Variants in TRIOBP observed in about 807,000 individuals in gnomAD.
The protein encoded by TRIOBP is TRIO and F-actin binding protein.
A neutral mutation model predicts 238.8 loss-of-function variants in TRIOBP; 169 were observed. The observed-to-expected ratio is 0.71, with a 90% CI of 0.62 to 0.80. The LOEUF (loss-of-function observed/expected upper bound fraction) is 0.80, where lower values mean the gene tolerates loss of function less well. Among genes scored for constraint, TRIOBP ranks in the 30% least tolerant of loss-of-function variants. The pLI is 0.00. For synonymous variants in TRIOBP, 1,150 were observed against 1,274.4 expected (o/e 0.90, Z 2.08); for missense variants, 2,838 against 3,122.6 (o/e 0.91, Z 2.17).
chr22:37,759,658 C>G, intron 17 of TRIOBP: 2 of 1,527,492 alleles, frequency 1.3e-6, no homozygotes, highest in Non-Finnish European at 1.8e-6. Context: ...GAAATCCTGC[C>G]GAGGCCCACT....
intron 3 of TRIOBP, among the ~76,000 whole-genome samples, chr22:37,708,379 T>C (rs888753685): frequency 7.1e-4 from 108 of 151,574 alleles, no homozygotes; most frequent in Non-Finnish European, 1.3e-3. Flanking sequence ...GGCAAACCCC[T>C]GTCTCTACTA....
intron 17 of TRIOBP, chr22:37,759,571 G>C (rs1402814495): frequency 6.3e-6 from 10 of 1,592,740 alleles, no homozygotes; most frequent in Non-Finnish European, 8.5e-6. Flanking sequence ...GAGTCCCCGT[G>C]TGACACTCTG....
rs1924065471 is a variant in TRIOBP, at chr22:37,725,144, A to G, written c.2588A>G (p.Asn863Ser). Residue 863 changes from asparagine (N) to serine (S), a missense_variant, in exon 7 of 24, where the codon AAC becomes AGC. Around this residue, in one of 5 missense-constraint regions of TRIOBP, gnomAD observed 2,096 missense variants for 2,137.4 expected, o/e 0.98. Transcript: ENST00000644935. Reference sequence around the variant, plus strand: ...CAGTCCTTTTCCTTTCAACGAGACAACCCTGGAACCTCCTCATCTCAATGC... The same window carrying G: ...CAGTCCTTTTCCTTTCAACGAGACAGCCCTGGAACCTCCTCATCTCAATGC... ...RTQSFSFQRD[N>S]PGTSSSQCCT... The G allele has an allele frequency of 6.2e-7, 1 of 1,614,104 alleles. No homozygotes were observed. Among genetic ancestry groups the G allele is most frequent in the Non-Finnish European group, 8.5e-7 (1 of 1,180,012 alleles).
chr22:37,717,980 G>C (rs1258868468), intron 6 of TRIOBP, among the ~76,000 whole-genome samples: 1 of 152,226 alleles, frequency 6.6e-6, no homozygotes, highest in Non-Finnish European at 1.5e-5. Context: ...CCCGAGCCCT[G>C]CCCGGTGGGA....
chr22:37,706,807 C>A (rs1297085106), intron 3 of TRIOBP, among the ~76,000 whole-genome samples: 2 of 150,990 alleles, frequency 1.3e-5, no homozygotes, highest in East Asian at 3.9e-4. Flanking sequence ...GGCACGACAT[C>A]AAATCCTCCA....
At chr22:37,714,306 G>T (rs961850845) in intron 5 of TRIOBP, among the ~76,000 whole-genome samples, 1 of 152,190 alleles carries the variant, frequency 6.6e-6, no homozygotes, top group Non-Finnish European at 1.5e-5. Flanking sequence ...GAAGATGAGC[G>T]ACTTGGCACT....
chr22:37,730,404 C>T (rs1055443806), intron 7 of TRIOBP, among the ~76,000 whole-genome samples: 1 of 152,170 alleles, frequency 6.6e-6, no homozygotes, highest in African/African-American at 2.4e-5. Context: ...GAGGAATGCT[C>T]ATCAAGCAAG....
At chr22:37,712,723 G>A (rs1020767724) in intron 4 of TRIOBP, among the ~76,000 whole-genome samples, 3 of 151,768 alleles carry the variant, frequency 2.0e-5, no homozygotes, top group African/African-American at 7.2e-5. Context: ...TTGGGAGTCC[G>A]AGACGGGCGG....
intron 12 of TRIOBP, 76 bp downstream of exon 12, chr22:37,751,904 G>C: frequency 6.7e-7 from 1 of 1,496,732 alleles, no homozygotes; most frequent in Non-Finnish European, 9.2e-7. Context: ...AGGAGTGGGG[G>C]TGGGGCTGGG....
rs1175913171 is a variant in TRIOBP at position 37,698,354 on chromosome 22, CTTTTTTTTTTTTT to C, written c.-61+670_-61+682del. Among the ~76,000 whole-genome samples, 13 of 57,932 alleles carry C rather than the reference CTTTTTTTTTTTTT, an allele frequency of 2.2e-4. No individual in the cohort carries two copies. In the Admixed American group the frequency reaches 3.3e-3, roughly 15 times the overall value. 38.0% of individuals were successfully genotyped at this position (57,932 alleles called of 152,430 possible). A position where few individuals can be genotyped will look rare whatever the true frequency, so the allele number is the denominator to read the frequency against. ...CCAGCCTGGGTAACACTGCAAGAGC[CTTTTTTTTTTTTT>C]TTTTTTTTTTTGAGACACACTGTTG... On this transcript the variant is annotated intron_variant, in intron 2 of 23. Transcript: ENST00000644935.
Position 37,759,274 on chromosome 22 carries a change from G to T in TRIOBP, c.6324+10G>T. The T allele has an allele frequency of 6.2e-7, 1 of 1,611,768 alleles. No individual in the cohort carries two copies. The highest frequency in any genetic ancestry group is 1.1e-5 in the South Asian group (1 of 91,056). ...GGGCTACATCTCACAGGTAAGGCCG[G>T]GGGGCTGTTTTTCAGGGGGAGGGGG... is the stretch of plus-strand genomic sequence containing the variant. On this transcript the variant is annotated intron_variant, in intron 17 of 23. Transcript: ENST00000644935.
chr22:37,715,973 C>G, intron 6 of TRIOBP, 39 bp downstream of exon 6: 1 of 1,609,676 alleles, frequency 6.2e-7, no homozygotes, highest in Non-Finnish European at 8.5e-7. Context: ...TGGTGATGGC[C>G]TGGGGCCCCC....
intron 18 of TRIOBP, among the ~76,000 whole-genome samples, chr22:37,767,126 G>A (rs949216180): frequency 5.3e-5 from 8 of 150,088 alleles, no homozygotes; most frequent in East Asian, 2.0e-4. Flanking sequence ...TGGCAGGCGC[G>A]TGTAATCCCA....
chr22:37,751,433 C>T (rs1053009541), intron 11 of TRIOBP: 2 of 407,352 alleles, frequency 4.9e-6, no homozygotes, highest in Non-Finnish European at 4.7e-6. Flanking sequence ...CTCAGGGGGT[C>T]TCTATGCAGG....
chr22:37,703,544 G>T (rs903040290), intron 3 of TRIOBP, among the ~76,000 whole-genome samples: 11 of 128,378 alleles, frequency 8.6e-5, no homozygotes, highest in Non-Finnish European at 1.6e-4. Flanking sequence ...TCGTTCTGTT[G>T]CCCAGGCTGG....
At position 37,734,704 on chromosome 22, in the gene TRIOBP, TG is replaced by T; in HGVS notation, c.4373del (p.Gly1458AlafsTer49). ...WSSQEGGLGP[G>X]GWWGCGEPSL... Reference sequence around the variant, plus strand: ...GCAGCCAGGAGGGAGGCCTGGGCCCTGGGGGCTGGTGGGGATGTGGAGAGCC... The same window carrying T: ...GCAGCCAGGAGGGAGGCCTGGGCCCTGGGGCTGGTGGGGATGTGGAGAGCC... On this transcript the variant is annotated frameshift_variant, in exon 9 of 24. Transcript: ENST00000644935. LOFTEE classifies it high-confidence loss of function. 1.2e-6 allele frequency: 2 copies of T among 1,606,902 alleles called. No individual in the cohort carries two copies. Among genetic ancestry groups the T allele is most frequent in the Admixed American group, 1.7e-5 (1 of 58,924 alleles).
At chr22:37,758,217 G>T (rs1926050099) in intron 16 of TRIOBP, 79 bp downstream of exon 16, 6 of 1,558,820 alleles carry the variant, frequency 3.8e-6, no homozygotes, top group Middle Eastern at 2.3e-4. Context: ...CCTGGCATTT[G>T]TCTTGCACTC....
chr22:37,734,507 G>C lies in TRIOBP; in HGVS notation c.4171G>C (p.Gly1391Arg). The C allele has an allele frequency of 6.2e-7, 1 of 1,608,538 alleles. No homozygotes were observed. ...ACCTGAGGGAGATCGGCAGCTCCAG[G>C]GGTCCCCGCTGCCCCCCAGGACATC... ...KRPEGDRQLQ[G>R]SPLPPRTSAR... Residue 1391 changes from glycine (G) to arginine (R), a missense_variant, in exon 9 of 24, where the codon GGG (glycine) becomes CGG (arginine). Transcript: ENST00000644935.
At chr22:37,771,531 G>GT in intron 21 of TRIOBP, 119 bp from the exon 22 acceptor site, 1 of 857,990 alleles carries the variant, frequency 1.2e-6, no homozygotes. Context: ...GAGGGTTTTT[G>GT]TGCAGATAGG....
Sources: gnomAD v4.1 joint callset for allele counts (sites outside exome capture counted in the v4.1 genomes callset) on GRCh38, gnomAD v4.1.1 for gene constraint, gnomAD v4.1.1 regional missense constraint, MANE v1.5 for transcripts, NCBI Gene and HGNC (gene_info 2026-07-23, HGNC 2026-07-21) for gene names.